Variants in FRMD4B observed in about 807,000 individuals in gnomAD.
The protein encoded by FRMD4B is FERM domain containing 4B, also known as FERM domain-containing protein 4B.
FRMD4B carries 74 observed loss-of-function variants against 141.5 expected under a neutral mutation model. That is an observed-to-expected ratio of 0.52 (90% CI 0.43 to 0.63). The LOEUF is 0.63. FRMD4B is among the 30% of genes least tolerant of loss of function. The pLI is 0.00. For missense variants in FRMD4B, 1,366 were observed against 1,253.4 expected, an observed-to-expected ratio of 1.09 and a Z score of -1.36; for synonymous variants, 506 against 467.9, an observed-to-expected ratio of 1.08 and a Z score of -1.05.
intron 1 of FRMD4B, among the ~76,000 whole-genome samples, chr3:69,332,007 A>G (rs1330602779): frequency 6.6e-6 from 1 of 152,140 alleles, no homozygotes; most frequent in Non-Finnish European, 1.5e-5. Flanking sequence ...TAATTGCTTG[A>G]ACCCAGGAGA....
At chr3:69,530,069 T>C (rs1700989299) in intron 1 of FRMD4B, among the ~76,000 whole-genome samples, 1 of 152,210 alleles carries the variant, frequency 6.6e-6, no homozygotes, top group Non-Finnish European at 1.5e-5. Context: ...TAATAAAAAG[T>C]AAACCGGAAT....
At chr3:69,464,100 G>C (rs13327111) in intron 1 of FRMD4B, among the ~76,000 whole-genome samples, 2 of 152,178 alleles carry the variant, frequency 1.3e-5, no homozygotes, top group East Asian at 3.8e-4. Flanking sequence ...CAACTACCAC[G>C]TGCAGACTCT....
intron 11 of FRMD4B, chr3:69,200,390 C>T (rs1026967365): frequency 8.1e-6 from 8 of 988,554 alleles, no homozygotes; most frequent in Middle Eastern, 1.0e-3. Context: ...AAAATCTCCA[C>T]AAACTTGAGG....
intron 1 of FRMD4B, among the ~76,000 whole-genome samples, chr3:69,326,700 C>A (rs1166840271): frequency 6.6e-6 from 1 of 152,180 alleles, no homozygotes; most frequent in African/African-American, 2.4e-5. Flanking sequence ...AGGTGCTCAA[C>A]AAACAACATG....
chr3:69,179,795 C>T (rs984904022), intron 21 of FRMD4B, among the ~76,000 whole-genome samples: 1 of 152,156 alleles, frequency 6.6e-6, no homozygotes, highest in African/African-American at 2.4e-5. Context: ...AATTTTTAAA[C>T]ATTCCTCTGG....
chr3:69,438,189 G>A (rs1201852846), intron 1 of FRMD4B, among the ~76,000 whole-genome samples: 1 of 151,076 alleles, frequency 6.6e-6, no homozygotes. Context: ...CTGCAGCCTC[G>A]AACCTCTTGG....
chr3:69,408,576 G>A (rs994764159), intron 2 of FRMD4B, among the ~76,000 whole-genome samples: 41 of 152,208 alleles, frequency 2.7e-4, no homozygotes, highest in Admixed American at 2.7e-3. Flanking sequence ...TAAGTTTTGA[G>A]TGGAAAATGC....
intron 1 of FRMD4B, among the ~76,000 whole-genome samples, chr3:69,440,807 CA>C (rs992951605): frequency 2.8e-4 from 41 of 146,852 alleles, no homozygotes; most frequent in East Asian, 3.9e-4. Flanking sequence ...GAGACTCTGT[CA>C]AAAAAAAAAA....
intron 1 of FRMD4B, among the ~76,000 whole-genome samples, chr3:69,539,235 T>C (rs1664470450): frequency 6.6e-6 from 1 of 152,230 alleles, no homozygotes; most frequent in African/African-American, 2.4e-5. Flanking sequence ...TATTGTAAGT[T>C]AGCCAAAACT....
intron 1 of FRMD4B, among the ~76,000 whole-genome samples, chr3:69,522,364 C>A (rs1467190841): frequency 6.6e-6 from 1 of 151,904 alleles, no homozygotes; most frequent in East Asian, 1.9e-4. Flanking sequence ...CAGATGAGGG[C>A]AAAAAGTCAG....
At chr3:69,365,005 C>T (rs998471829) in intron 1 of FRMD4B, among the ~76,000 whole-genome samples, 14 of 152,072 alleles carry the variant, frequency 9.2e-5, no homozygotes, top group East Asian at 5.8e-4. Context: ...AATATGAAAC[C>T]GAATAGTATA....
Position 69,202,263 on chromosome 3 carries a change from T to A in FRMD4B, c.877-3489A>T, listed in dbSNP as rs371321203. On this transcript the variant is annotated intron_variant, in intron 11 of 22. Coordinates refer to ENST00000398540, the MANE Select transcript of FRMD4B (RefSeq NM_015123.3). ...AATGGTCTGTATTTGAGGAAAGAAATCAAAGTTTAAAGGAAGATACAAGAA... is the reference window on the plus strand; with the variant it reads ...AATGGTCTGTATTTGAGGAAAGAAAACAAAGTTTAAAGGAAGATACAAGAA... 2.2e-3 allele frequency among the ~76,000 whole-genome samples: 341 copies of A among 152,132 alleles called. 3 individuals carry two copies. The highest frequency in any genetic ancestry group is 7.7e-3 in the African/African-American group (321 of 41,522).
At position 69,361,458 on chromosome 3, in the gene FRMD4B, T is replaced by TC. The variant is rs549688401; in HGVS notation, c.162+24369dup. Among the ~76,000 whole-genome samples the TC allele has an allele frequency of 1.4e-4, 22 of 152,196 alleles. No homozygotes were observed. The East Asian group carries it at 3.7e-3, about 25-fold the overall frequency. The stretch of plus-strand genomic sequence containing the variant: ...AGGTATTACAGCCATGTTATCCACA[T>TC]CCCCCCCAAGATATAAAACTTTTCC... On this transcript the variant is annotated intron_variant, in intron 1 of 22. Coordinates refer to ENST00000398540, the MANE Select transcript of FRMD4B (RefSeq NM_015123.3).
Position 69,280,627 on chromosome 3 carries a change from A to C in FRMD4B, c.501+7125T>G, listed in dbSNP as rs2093640468. Among the ~76,000 whole-genome samples, 3 of 152,142 alleles carry C rather than the reference A, an allele frequency of 2.0e-5. 1 individual carries two copies. The highest frequency in any genetic ancestry group is 7.2e-5 in the African/African-American group (3 of 41,434). On this transcript the variant is annotated intron_variant, in intron 5 of 22. Coordinates refer to ENST00000398540, the MANE Select transcript of FRMD4B (RefSeq NM_015123.3). ...TGCCTCCCCCATGAATAGACACGTG[A>C]TGCCAGAGTCCATGACGTTAACCAC...
chr3:69,473,712 C>T (rs1705933120), intron 1 of FRMD4B, among the ~76,000 whole-genome samples: 1 of 152,100 alleles, frequency 6.6e-6, no homozygotes, highest in Non-Finnish European at 1.5e-5. Flanking sequence ...GAGTTTAATA[C>T]AACTAATATA....
At chr3:69,317,936 AT>A (rs891610241) in intron 1 of FRMD4B, among the ~76,000 whole-genome samples, 10 of 151,682 alleles carry the variant, frequency 6.6e-5, no homozygotes, top group South Asian at 2.1e-4. Context: ...TAACAAATCC[AT>A]TTTTTTCCCT....
In FRMD4B at chr3:69,302,374, G is replaced by A. The variant is rs747435834; in HGVS notation, c.385C>T (p.Pro129Ser). ...RVLDHDLPKK[P>S]GPTILHFAVR... ...GCAAAGTGCAAAATGGTTGGGCCTG[G>A]TTTCTTGGGCAAATCGTGGTCAAGA... Residue 129 changes from proline (P) to serine (S), a missense_variant, in exon 4 of 23, where the codon CCA becomes TCA. By Grantham distance (74) the Pro-to-Ser change is moderately conservative. Coordinates refer to ENST00000398540, the MANE Select transcript of FRMD4B (RefSeq NM_015123.3). The A allele has an allele frequency of 1.9e-6, 3 of 1,608,750 alleles. No homozygotes were observed. The highest frequency in any genetic ancestry group is 1.1e-5 in the South Asian group (1 of 90,082).
At chr3:69,335,435 C>T (rs539619513) in intron 1 of FRMD4B, among the ~76,000 whole-genome samples, 143 of 147,676 alleles carry the variant, frequency 9.7e-4, no homozygotes, top group African/African-American at 3.2e-3. Flanking sequence ...TGCAGTGGCA[C>T]GATCTTGGCT....
intron 2 of FRMD4B, among the ~76,000 whole-genome samples, chr3:69,428,827 C>T (rs1353802930): frequency 6.6e-6 from 1 of 152,136 alleles, no homozygotes; most frequent in Non-Finnish European, 1.5e-5. Context: ...AAACTCTGTG[C>T]CCACTAAAAT....
Sources: gnomAD v4.1 joint callset for allele counts (sites outside exome capture counted in the v4.1 genomes callset) on GRCh38, gnomAD v4.1.1 for gene constraint, MANE v1.5 for transcripts, NCBI Gene and HGNC (gene_info 2026-07-23, HGNC 2026-07-21) for gene names.